Variants in PPARGC1A observed in about 807,000 individuals in gnomAD.
PPARGC1A encodes the protein PPARG coactivator 1 alpha, also known as peroxisome proliferator-activated receptor gamma coactivator 1-alpha.
A neutral mutation model predicts 88.7 loss-of-function variants in PPARGC1A; 25 were observed. The observed-to-expected ratio is 0.28, with a 90% confidence interval of 0.21 to 0.39. PPARGC1A has a LOEUF of 0.39. PPARGC1A is among the 10% of genes least tolerant of loss of function. The pLI, the probability that PPARGC1A is intolerant of heterozygous loss-of-function variation, is 1.00. For missense variants in PPARGC1A, 880 were observed against 968.7 expected (o/e 0.91, Z 1.22); for synonymous variants, 363 against 355.6 (o/e 1.02, Z -0.24).
intron 2 of PPARGC1A, among the ~76,000 whole-genome samples, chr4:23,865,486 G>A (rs993112343): frequency 2.6e-5 from 4 of 152,158 alleles, no homozygotes; most frequent in African/African-American, 7.2e-5. Flanking sequence ...TGGTAATTCA[G>A]GTAGAATCAG....
chr4:24,448,273 A>C, the PPARGC1A span, among the ~76,000 whole-genome samples: 1 of 152,100 alleles, frequency 6.6e-6, no homozygotes, highest in Non-Finnish European at 1.5e-5. Context: ...CCTACCAAAT[A>C]CACAGATGTC....
the PPARGC1A span, among the ~76,000 whole-genome samples, chr4:24,321,430 A>G: frequency 1.3e-5 from 2 of 152,212 alleles, no homozygotes; most frequent in Non-Finnish European, 2.9e-5. Context: ...AATATAACTG[A>G]AGACAGGTTT....
chr4:24,459,878 C>A, the PPARGC1A span, among the ~76,000 whole-genome samples: 1 of 152,212 alleles, frequency 6.6e-6, no homozygotes, highest in African/African-American at 2.4e-5. Context: ...AATTAGCATT[C>A]AAGCAGTGCT....
chr4:23,945,500 C>T, the PPARGC1A span, among the ~76,000 whole-genome samples: 1 of 152,020 alleles, frequency 6.6e-6, no homozygotes, highest in Non-Finnish European at 1.5e-5. Context: ...CTTAAAAATG[C>T]CTCTGATGAG....
At chr4:24,392,519 AAAAGG>A in the PPARGC1A span, among the ~76,000 whole-genome samples, 3 of 152,324 alleles carry the variant, frequency 2.0e-5, no homozygotes, top group East Asian at 5.8e-4. Flanking sequence ...ATCAGGCGAT[AAAAGG>A]TATGTTCCCA....
intron 3 of PPARGC1A, 154 bp from the exon 4 acceptor site, chr4:23,829,739 C>T: frequency 1.6e-6 from 1 of 632,728 alleles, no homozygotes; most frequent in Non-Finnish European, 2.3e-6. Context: ...AATAGTGCTA[C>T]AGGAAATATG....
the PPARGC1A span, among the ~76,000 whole-genome samples, chr4:23,996,115 C>T: frequency 6.6e-6 from 1 of 152,146 alleles, no homozygotes; most frequent in African/African-American, 2.4e-5. Context: ...AGCTTGTAAG[C>T]ACTTTCACAG....
the PPARGC1A span, among the ~76,000 whole-genome samples, chr4:24,167,429 C>G: frequency 1.3e-5 from 2 of 152,160 alleles, no homozygotes; most frequent in Admixed American, 1.3e-4. Context: ...ATTACATAAA[C>G]TTAGTTGATA....
chr4:23,939,156 C>T, the PPARGC1A span, among the ~76,000 whole-genome samples: 3 of 152,182 alleles, frequency 2.0e-5, no homozygotes, highest in East Asian at 5.8e-4. Context: ...AACATGACTA[C>T]ATCTTATTTT....
the PPARGC1A span, among the ~76,000 whole-genome samples, chr4:24,131,799 C>A: frequency 6.6e-6 from 1 of 152,140 alleles, no homozygotes; most frequent in Non-Finnish European, 1.5e-5. Context: ...AGAAAGGAAG[C>A]TGACTCTTTT....
chr4:23,815,344 C>A (rs962607829), intron 7 of PPARGC1A, among the ~76,000 whole-genome samples: 13 of 152,126 alleles, frequency 8.5e-5, no homozygotes, highest in African/African-American at 3.1e-4. Flanking sequence ...ATAACTAATA[C>A]ATTCTGTCTA....
At chr4:24,164,296 C>A in the PPARGC1A span, among the ~76,000 whole-genome samples, 1 of 150,606 alleles carries the variant, frequency 6.6e-6, no homozygotes, top group Non-Finnish European at 1.5e-5. Flanking sequence ...GTTGCTGGGA[C>A]AGAGCAGGGG....
the PPARGC1A span, among the ~76,000 whole-genome samples, chr4:24,470,281 C>G: frequency 7.3e-5 from 8 of 109,686 alleles, no homozygotes; most frequent in East Asian, 2.3e-4. The surrounding 1 kb of genome is among the most constrained non-coding windows in gnomAD (Gnocchi z 5.8). Context: ...GACACAGACA[C>G]ACACACACAC....
intron 12 of PPARGC1A, among the ~76,000 whole-genome samples, chr4:23,800,689 T>A (rs1231284664): frequency 3.3e-5 from 5 of 151,588 alleles, no homozygotes; most frequent in South Asian, 2.1e-4. Context: ...TCGTTGGTAA[T>A]AGTGGTTATT....
At chr4:23,879,779 A>T (rs1188782206) in intron 2 of PPARGC1A, among the ~76,000 whole-genome samples, 2 of 152,106 alleles carry the variant, frequency 1.3e-5, no homozygotes, top group African/African-American at 4.8e-5. Flanking sequence ...CATTATGTTG[A>T]TCTGCTAAAA....
At chr4:24,194,630 G>GCACA in the PPARGC1A span, among the ~76,000 whole-genome samples, 6 of 48,608 alleles carry the variant, frequency 1.2e-4, no homozygotes, top group African/African-American at 3.1e-4. Flanking sequence ...GCACGCGCGC[G>GCACA]CACACACACA....
At chr4:24,179,213 G>A in the PPARGC1A span, among the ~76,000 whole-genome samples, 3 of 152,256 alleles carry the variant, frequency 2.0e-5, no homozygotes, top group East Asian at 5.8e-4. Context: ...ACCAAGACCT[G>A]CAAAAGTGAA....
At chr4:24,172,672 T>C in the PPARGC1A span, among the ~76,000 whole-genome samples, 1 of 152,228 alleles carries the variant, frequency 6.6e-6, no homozygotes, top group Admixed American at 6.5e-5. Context: ...CCTCCCTCCC[T>C]GGAAGGGCCT....
the PPARGC1A span, among the ~76,000 whole-genome samples, chr4:23,916,513 CAT>C: frequency 2.6e-5 from 4 of 152,016 alleles, no homozygotes; most frequent in Non-Finnish European, 5.9e-5. Flanking sequence ...TTTATGAAAA[CAT>C]AATTTTTAAA....
Sources: allele counts gnomAD v4.1 joint callset (sites outside exome capture counted in the v4.1 genomes callset), GRCh38; gene constraint gnomAD v4.1.1; non-coding constraint Gnocchi (gnomAD v3.1); transcripts MANE v1.5; gene names NCBI Gene and HGNC (gene_info 2026-07-23, HGNC 2026-07-21).